NRG3: variants seen among roughly 807,000 people sequenced by gnomAD.
The protein encoded by NRG3 is pro-neuregulin-3, membrane-bound isoform.
In NRG3, 31 loss-of-function variants were observed where a neutral mutation model predicts 66.9. The observed-to-expected ratio is 0.46, with a 90% CI of 0.35 to 0.63. NRG3 has a LOEUF of 0.63. Among genes scored for constraint, NRG3 ranks in the 20% least tolerant of loss-of-function variants. The pLI is 0.00. For synonymous variants in NRG3, 393 were observed against 359.4 expected, an observed-to-expected ratio of 1.09 and a Z score of -1.06; for missense variants, 910 against 878.9, an observed-to-expected ratio of 1.04 and a Z score of -0.45.
chr10:82,717,722 C>T (rs535728826), intron 2 of NRG3, among the ~76,000 whole-genome samples: 1 of 152,092 alleles, frequency 6.6e-6, no homozygotes. Context: ...TTCACATAAT[C>T]TCCAAGCACA....
At chr10:82,729,852 C>T (rs1045392790) in intron 2 of NRG3, among the ~76,000 whole-genome samples, 1 of 152,172 alleles carries the variant, frequency 6.6e-6, no homozygotes, top group Non-Finnish European at 1.5e-5. Context: ...TGTAGTTGAG[C>T]AAACTCATTT....
At chr10:82,411,505 G>A (rs1318703624) in intron 2 of NRG3, among the ~76,000 whole-genome samples, 5 of 152,008 alleles carry the variant, frequency 3.3e-5, no homozygotes, top group Non-Finnish European at 7.4e-5. Context: ...ATCAAATGAA[G>A]GCATCAACAA....
At chr10:82,303,564 G>C (rs2080536096) in intron 1 of NRG3, among the ~76,000 whole-genome samples, 1 of 152,162 alleles carries the variant, frequency 6.6e-6, no homozygotes, top group Non-Finnish European at 1.5e-5. Flanking sequence ...ATTAGAAGAT[G>C]AGTATAAATG....
At chr10:82,656,308 C>CTTTTTTTTTTTTTTTT (rs3040205) in intron 2 of NRG3, among the ~76,000 whole-genome samples, 23 of 132,000 alleles carry the variant, frequency 1.7e-4, no homozygotes, top group South Asian at 2.4e-4. Flanking sequence ...TTTCTTTTTT[C>CTTTTTTTTTTTTTTTT]TTTTTTTTTT....
intron 1 of NRG3, among the ~76,000 whole-genome samples, chr10:81,912,965 C>T (rs1357375031): frequency 6.6e-6 from 1 of 152,204 alleles, no homozygotes; most frequent in Non-Finnish European, 1.5e-5. Flanking sequence ...AGAGCCTGGC[C>T]ACTGGAGTCA....
chr10:82,782,392 G>A (rs1178901460), intron 3 of NRG3, among the ~76,000 whole-genome samples: 1 of 152,044 alleles, frequency 6.6e-6, no homozygotes, highest in Admixed American at 6.6e-5. Flanking sequence ...ACCAGATGCA[G>A]GTCCCTTGGC....
intron 1 of NRG3, among the ~76,000 whole-genome samples, chr10:82,174,562 C>G (rs2072881937): frequency 6.6e-6 from 1 of 152,084 alleles, no homozygotes. Context: ...ATTTATATTT[C>G]AAGCCTTAAT....
intron 1 of NRG3, among the ~76,000 whole-genome samples, chr10:82,358,420 A>G (rs17099845): frequency 0.18 from 27,436 of 152,118 alleles, 2,857 homozygotes; most frequent in East Asian, 0.28. Context: ...CATGTTTGTT[A>G]AAACTGAAAT....
chr10:82,540,276 C>G (rs949184967), intron 2 of NRG3, among the ~76,000 whole-genome samples: 1 of 152,024 alleles, frequency 6.6e-6, no homozygotes, highest in African/African-American at 2.4e-5. Context: ...AACTGAACTG[C>G]ACTTCCTGCC....
intron 2 of NRG3, among the ~76,000 whole-genome samples, chr10:82,704,946 T>A (rs571122737): frequency 6.6e-6 from 1 of 152,316 alleles, no homozygotes; most frequent in East Asian, 1.9e-4. Flanking sequence ...CACATACACC[T>A]ATCTTGTGCC....
At chr10:81,968,917 G>C (rs941422917) in intron 1 of NRG3, among the ~76,000 whole-genome samples, 1 of 152,190 alleles carries the variant, frequency 6.6e-6, no homozygotes, top group Non-Finnish European at 1.5e-5. Flanking sequence ...CAGAGAAGAC[G>C]AAGTGAGGCG....
At chr10:82,707,557 T>C (rs1238601681) in intron 2 of NRG3, among the ~76,000 whole-genome samples, 6 of 45,886 alleles carry the variant, frequency 1.3e-4, no homozygotes, top group Non-Finnish European at 4.6e-4. Context: ...TCCTGGTTAA[T>C]TGTTTGTTTT....
intron 2 of NRG3, among the ~76,000 whole-genome samples, chr10:82,671,910 C>G (rs1414664165): frequency 6.6e-6 from 1 of 151,994 alleles, no homozygotes; most frequent in Non-Finnish European, 1.5e-5. Context: ...TGAGTGAGAA[C>G]TTTGTTCTTT....
intron 1 of NRG3, among the ~76,000 whole-genome samples, chr10:81,956,427 G>A (rs1849836621): frequency 6.6e-6 from 1 of 152,140 alleles, no homozygotes; most frequent in Non-Finnish European, 1.5e-5. Context: ...GAGTCATTTG[G>A]TGATGGTCCA....
At chr10:82,651,385 A>G (rs989645815) in intron 2 of NRG3, among the ~76,000 whole-genome samples, 1 of 152,232 alleles carries the variant, frequency 6.6e-6, no homozygotes, top group Non-Finnish European at 1.5e-5. Flanking sequence ...AATAATGGGG[A>G]CTTCTAACAA....
At chr10:82,168,369 G>A (rs1251749770) in intron 1 of NRG3, among the ~76,000 whole-genome samples, 1 of 152,016 alleles carries the variant, frequency 6.6e-6, no homozygotes, top group Non-Finnish European at 1.5e-5. Flanking sequence ...GTATCTTCAG[G>A]TCATATTCTT....
At chr10:82,648,122 G>A (rs2051104607) in intron 2 of NRG3, among the ~76,000 whole-genome samples, 1 of 151,718 alleles carries the variant, frequency 6.6e-6, no homozygotes, top group Non-Finnish European at 1.5e-5. Context: ...TTCTTCTAGG[G>A]TTTTTATGGT....
intron 2 of NRG3, among the ~76,000 whole-genome samples, chr10:82,408,135 GA>G (rs1276173297): frequency 1.4e-5 from 2 of 143,326 alleles, no homozygotes; most frequent in East Asian, 4.2e-4. Flanking sequence ...AAGAAAGAAA[GA>G]AAGAAAGAAA....
At position 82,687,305 on chromosome 10, in the gene NRG3, C is replaced by T. The variant is rs550791832; in HGVS notation, c.954-51272C>T. ...TTTCTCTATGATCAAGGAGTTCATA[C>T]GGCTGCTCCTAGGTGCCTAATTAAC... On this transcript the variant is annotated intron_variant, in intron 2 of 8. Transcript: ENST00000372141. Among the ~76,000 whole-genome samples, 30 of 152,176 alleles carry T rather than the reference C, an allele frequency of 2.0e-4. No individual in the cohort carries two copies. In the South Asian group the frequency reaches 4.6e-3, roughly 23 times the overall value.
Sources: allele counts gnomAD v4.1 joint callset (sites outside exome capture counted in the v4.1 genomes callset), GRCh38; gene constraint gnomAD v4.1.1; transcripts MANE v1.5; gene names NCBI Gene and HGNC (gene_info 2026-07-23, HGNC 2026-07-21).